The following USP47 variants were observed in gnomAD, a reference collection of about 807,000 sequenced individuals.
USP47 encodes the protein ubiquitin carboxyl-terminal hydrolase 47.
In USP47, 35 loss-of-function variants were observed where a neutral mutation model predicts 165.1. The observed-to-expected ratio is 0.21, with a 90% CI of 0.16 to 0.28. USP47 has a LOEUF of 0.28. USP47 is among the 10% of genes least tolerant of loss of function. The pLI is 1.00. For missense variants in USP47, 1,277 were observed against 1,607.4 expected (o/e 0.79, Z 3.52); for synonymous variants, 531 against 544.5 (o/e 0.98, Z 0.35).
At chr11:11,881,209 G>T (rs188744679) in intron 2 of USP47, among the ~76,000 whole-genome samples, 1 of 152,048 alleles carries the variant, frequency 6.6e-6, no homozygotes, top group Non-Finnish European at 1.5e-5. Context: ...AGGGTGAGAC[G>T]TGCTGCTAGG....
intron 1 of USP47, among the ~76,000 whole-genome samples, chr11:11,876,417 C>T (rs535465690): frequency 6.6e-6 from 1 of 152,288 alleles, no homozygotes; most frequent in South Asian, 2.1e-4. Flanking sequence ...CTTGGATGTG[C>T]TCGAAGGTGT....
intron 5 of USP47, among the ~76,000 whole-genome samples, chr11:11,901,958 CAA>C (rs34053426): frequency 3.3e-4 from 22 of 66,746 alleles, no homozygotes; most frequent in Admixed American, 5.2e-4. Flanking sequence ...GACTCTGTCT[CAA>C]AAAAAAAAAA....
intron 1 of USP47, among the ~76,000 whole-genome samples, chr11:11,877,198 C>G (rs534004429): frequency 6.6e-6 from 1 of 150,592 alleles, no homozygotes; most frequent in South Asian, 2.1e-4. Flanking sequence ...CTTAAAATTG[C>G]AACAACAAAA....
chr11:11,930,892 T>C, intron 14 of USP47, 141 bp downstream of exon 14: 1 of 624,090 alleles, frequency 1.6e-6, no homozygotes, highest in Non-Finnish European at 2.6e-6. Flanking sequence ...ACAAAGACTG[T>C]TACAAAATAA....
rs374712169 is a variant in USP47 at position 11,950,476 on chromosome 11, C to T, written c.3577C>T (p.Leu1193Phe). Residue 1193 changes from leucine (L) to phenylalanine (F), a missense_variant, in exon 24 of 28, where the codon CTT becomes TTT. Coordinates refer to ENST00000527733, the MANE Select transcript of USP47 (RefSeq NM_001282659.2). Reference sequence around the variant, plus strand: ...CAACTGGGAGGTTTTCCTTGAAGTTCTTGATGGTATTTTCAATATTTTTGG... The same window carrying T: ...CAACTGGGAGGTTTTCCTTGAAGTTTTTGATGGTATTTTCAATATTTTTGG... ...SSNWEVFLEV[L>F]DGVEKMKSMS... is the part of the protein sequence containing the mutation. 2.6e-5 allele frequency: 42 copies of T among 1,592,510 alleles called. No homozygotes were observed. Among genetic ancestry groups the T allele is most frequent in the Non-Finnish European group, 3.5e-5 (41 of 1,167,216 alleles).
At chr11:11,906,464 C>T (rs903903813) in intron 8 of USP47, among the ~76,000 whole-genome samples, 1 of 152,110 alleles carries the variant, frequency 6.6e-6, no homozygotes, top group African/African-American at 2.4e-5. Context: ...ATGGTTTAGT[C>T]CTCTGGCCTC....
rs1392393716 is a variant in USP47 at position 11,961,802 on chromosome 11, G to A, written c.*5627G>A. 6.6e-6 allele frequency among the ~76,000 whole-genome samples: 1 copy of A among 152,224 alleles called. No homozygotes were observed. The highest frequency in any genetic ancestry group is 2.4e-5 in the African/African-American group (1 of 41,454). ...ACAGCTGTTGAGCAGTTTACCTGAC[G>A]GCATCTGCCATGGCTTGGCAGGAAC... On this transcript the variant is annotated 3_prime_UTR_variant, in exon 28 of 28. Transcript: ENST00000527733.
chr11:11,884,668 G>A (rs1851041424), intron 3 of USP47, 88 bp downstream of exon 3: 2 of 858,826 alleles, frequency 2.3e-6, no homozygotes. Context: ...GAAATAAGAT[G>A]TGTTTTGTAA....
intron 27 of USP47, among the ~76,000 whole-genome samples, 197 bp from the exon 28 acceptor site, chr11:11,955,804 C>T (rs1404574530): frequency 9.9e-5 from 15 of 152,244 alleles, no homozygotes; most frequent in East Asian, 5.8e-4. Flanking sequence ...AGTTATTCTC[C>T]GCCACTTTTA....
At chr11:11,875,049 G>GTA (rs1564859488) in intron 1 of USP47, among the ~76,000 whole-genome samples, 6 of 150,248 alleles carry the variant, frequency 4.0e-5, no homozygotes, top group Non-Finnish European at 9.0e-5. Flanking sequence ...GTGTGTGTGT[G>GTA]TGTGTGTGTG....
At chr11:11,876,084 GT>G (rs1381333552) in intron 1 of USP47, among the ~76,000 whole-genome samples, 2 of 152,128 alleles carry the variant, frequency 1.3e-5, no homozygotes, top group Non-Finnish European at 2.9e-5. Flanking sequence ...AAAATAAATA[GT>G]TTCAACTTTA....
In USP47 at chr11:11,955,155, T is replaced by C. The variant is rs199752763; in HGVS notation, c.3884T>C (p.Ile1295Thr). The C allele has an allele frequency of 7.4e-6, 12 of 1,612,144 alleles. No homozygotes were observed. Among genetic ancestry groups the C allele is most frequent in the Non-Finnish European group, 1.0e-5 (12 of 1,179,410 alleles). The change falls in exon 27 of 28, where the codon ATA (isoleucine) becomes ACA (threonine). Residue 1295 changes from isoleucine to threonine, a missense_variant. Ile to Thr is a moderately conservative substitution (Grantham distance 89). Transcript: ENST00000527733. Reference protein sequence around the residue: ...PLYICDDGAVIFYRDKTEELM... With the variant: ...PLYICDDGAVTFYRDKTEELM... ...TATATCTGTGATGATGGTGCGGTCA[T>C]ATTTTATAGGTAACATTCACAATGT...
Position 11,884,793 on chromosome 11 carries a change from C to T in USP47, c.357+213C>T, listed in dbSNP as rs116612994. 1,576 of 425,092 alleles carry T rather than the reference C, an allele frequency of 3.7e-3. 15 individuals carry two copies. Among genetic ancestry groups the T allele is most frequent in the African/African-American group, 0.029 (1,422 of 49,114 alleles). The allele number at this position is 425,092 out of a possible 1,614,324, so 26.3% of individuals were successfully genotyped here. On this transcript the variant is annotated intron_variant, in intron 3 of 27. Coordinates refer to ENST00000527733, the MANE Select transcript of USP47 (RefSeq NM_001282659.2). ...ATTATTTGTGTATACAGTCTGTTGCCGCCTTGGATTTAACATATACTGCTG... is the reference window on the plus strand; with the variant it reads ...ATTATTTGTGTATACAGTCTGTTGCTGCCTTGGATTTAACATATACTGCTG...
At chr11:11,934,855 G>A (rs1421022972) in intron 16 of USP47, among the ~76,000 whole-genome samples, 1 of 151,954 alleles carries the variant, frequency 6.6e-6, no homozygotes, top group African/African-American at 2.4e-5. Context: ...GTAACAGAAT[G>A]ACTGAAATTA....
At chr11:11,875,969 C>A (rs1850388941) in intron 1 of USP47, among the ~76,000 whole-genome samples, 1 of 152,184 alleles carries the variant, frequency 6.6e-6, no homozygotes, top group East Asian at 1.9e-4. Context: ...TTTGTTTCTG[C>A]AATGAATGTA....
In USP47 at chr11:11,872,778, A is replaced by G. The variant is rs116735980; in HGVS notation, c.40-7399A>G. Among the ~76,000 whole-genome samples the G allele has an allele frequency of 5.7e-3, 874 of 152,352 alleles. 10 individuals are homozygous for G. The highest frequency in any genetic ancestry group is 0.02 in the African/African-American group (835 of 41,580). On this transcript the variant is annotated intron_variant, in intron 1 of 27. Coordinates refer to ENST00000527733, the MANE Select transcript of USP47 (RefSeq NM_001282659.2). Reference sequence around the variant, plus strand: ...AAAATGCGTACATATACTTTGATCTAGTAATTCTTTCTTTGAGAAATTATC... The same window carrying G: ...AAAATGCGTACATATACTTTGATCTGGTAATTCTTTCTTTGAGAAATTATC...
At chr11:11,916,613 T>C (rs1473191823) in intron 8 of USP47, among the ~76,000 whole-genome samples, 9 of 149,878 alleles carry the variant, frequency 6.0e-5, no homozygotes, top group Admixed American at 6.0e-4. Flanking sequence ...ATGAAGGACA[T>C]TGAATGGAAA....
At chr11:11,859,090 G>A (rs914868520) in intron 1 of USP47, among the ~76,000 whole-genome samples, 15 of 152,164 alleles carry the variant, frequency 9.9e-5, no homozygotes, top group Admixed American at 9.8e-4. Context: ...GTATCTGTTT[G>A]TGCTTTTAGT....
chr11:11,856,062 G>A (rs1849021733), intron 1 of USP47, among the ~76,000 whole-genome samples: 1 of 152,194 alleles, frequency 6.6e-6, no homozygotes, highest in African/African-American at 2.4e-5. Flanking sequence ...AAACAAGAAA[G>A]TTTGTAGTGC....
Sources: gnomAD v4.1 joint callset for allele counts (sites outside exome capture counted in the v4.1 genomes callset) on GRCh38, gnomAD v4.1.1 for gene constraint, MANE v1.5 for transcripts, NCBI Gene and HGNC (gene_info 2026-07-23, HGNC 2026-07-21) for gene names.